The following MACIR variants were observed in gnomAD, a reference collection of about 807,000 sequenced individuals.
The protein encoded by MACIR is UNC119-binding protein C5orf30.
Under a neutral mutation model 14.3 loss-of-function variants are expected in MACIR, and 4 were observed. The ratio of observed to expected loss-of-function variants is 0.28; its 90% CI spans 0.14 to 0.64. MACIR has a LOEUF of 0.64. MACIR is among the 30% of genes least tolerant of loss of function. MACIR has a pLI of 0.83. For synonymous variants in MACIR, 101 were observed against 102.4 expected (o/e 0.99, Z 0.08); for missense variants, 228 against 257.6 (o/e 0.89, Z 0.79).
chr5:103,265,978 A>G lies in MACIR; in HGVS notation c.-43A>G, dbSNP rs1319579791. The G allele has an allele frequency of 1.3e-5, 2 of 152,114 alleles. No individual in the cohort carries two copies. Among genetic ancestry groups the G allele is most frequent in the African/African-American group, 4.8e-5 (2 of 41,452 alleles). The allele number at this position is 152,114 out of a possible 1,614,324, so 9.4% of individuals were successfully genotyped here. On this transcript the variant is annotated 5_prime_UTR_variant, in exon 2 of 3. Coordinates refer to ENST00000319933, the MANE Select transcript of MACIR (RefSeq NM_033211.4). ...GACTCATTGGAAATTGTACAGTGAC[A>G]TCTTCTGGGATTTAGTCTGGTAAGT...
intron 2 of MACIR, among the ~76,000 whole-genome samples, chr5:103,271,809 C>T (rs1258843293): frequency 2.6e-5 from 4 of 152,126 alleles, no homozygotes; most frequent in African/African-American, 9.7e-5. Flanking sequence ...CTTCTTCTCT[C>T]CACATTTTGC....
intron 1 of MACIR, among the ~76,000 whole-genome samples, chr5:103,263,573 T>G (rs1050462623): frequency 1.1e-4 from 16 of 152,178 alleles, no homozygotes; most frequent in Admixed American, 7.9e-4. Flanking sequence ...TCTTTGAAAG[T>G]GTAAATATTT....
At chr5:103,264,377 TAAGG>T (rs1406886677) in intron 1 of MACIR, among the ~76,000 whole-genome samples, 4 of 152,150 alleles carry the variant, frequency 2.6e-5, no homozygotes, top group African/African-American at 7.2e-5. Context: ...ACTTTTGACA[TAAGG>T]AAGATGCTAA....
intron 2 of MACIR, among the ~76,000 whole-genome samples, chr5:103,270,071 A>C (rs2149929437): frequency 6.6e-6 from 1 of 152,320 alleles, no homozygotes; most frequent in East Asian, 1.9e-4. Flanking sequence ...AAAAGGAAGT[A>C]CATCATCTCC....
rs1005923909 is a variant in MACIR at position 103,278,403 on chromosome 5, A to C, written c.*1863A>C. 1 of 167,104 alleles carries C rather than the reference A, an allele frequency of 6.0e-6. No individual in the cohort carries two copies. The highest frequency in any genetic ancestry group is 1.5e-5 in the Non-Finnish European group (1 of 68,110). 10.4% of individuals were successfully genotyped at this position (167,104 alleles called of 1,614,324 possible). ...TTGTGTGGTGCTTTAAACTAGGTCC[A>C]CTATCAACAGGCTACTTACTGTTCA... is the stretch of plus-strand genomic sequence containing the variant. On this transcript the variant is annotated 3_prime_UTR_variant, in exon 3 of 3. Transcript: ENST00000319933.
chr5:103,276,123 G>A lies in MACIR; in HGVS notation c.204G>A (p.Glu68=), dbSNP rs150195375. 824 of 1,614,010 alleles carry A rather than the reference G, an allele frequency of 5.1e-4. 1 individual carries two copies. The highest frequency in any genetic ancestry group is 6.8e-4 in the Non-Finnish European group (804 of 1,179,998). The change falls in exon 3 of 3, where the codon GAG becomes GAA. Residue 68 remains glutamate (E), a synonymous_variant. Coordinates refer to ENST00000319933, the MANE Select transcript of MACIR (RefSeq NM_033211.4). The part of the protein sequence containing the change: ...SNYLVGFTTG[E]ELLKLAQKCT... Reference sequence around the variant, plus strand: ...ATTTGGTTGGCTTCACGACTGGCGAGGAACTCCTGAAGTTAGCTCAGAAGT... The same window carrying A: ...ATTTGGTTGGCTTCACGACTGGCGAAGAACTCCTGAAGTTAGCTCAGAAGT...
intron 1 of MACIR, among the ~76,000 whole-genome samples, chr5:103,260,738 A>G (rs1166193808): frequency 3.9e-5 from 6 of 152,180 alleles, no homozygotes; most frequent in Admixed American, 3.9e-4. Context: ...AGTACTTAAT[A>G]TGGTTAGAGT....
chr5:103,260,748 T>G (rs921326345), intron 1 of MACIR, among the ~76,000 whole-genome samples: 2 of 152,146 alleles, frequency 1.3e-5, no homozygotes, highest in Admixed American at 6.5e-5. Context: ...ATGGTTAGAG[T>G]AATAAAGCTT....
intron 2 of MACIR, among the ~76,000 whole-genome samples, chr5:103,272,791 C>A (rs1163527847): frequency 6.6e-6 from 1 of 152,112 alleles, no homozygotes; most frequent in Non-Finnish European, 1.5e-5. Context: ...CATGTTCCTA[C>A]GTGAATATCG....
rs542349377 is a variant in MACIR, at chr5:103,276,893, T to G, written c.*353T>G. The G allele has an allele frequency of 8.6e-5, 16 of 185,890 alleles. No individual in the cohort carries two copies. The East Asian group carries it at 2.4e-3, about 28-fold the overall frequency. 11.5% of individuals were successfully genotyped at this position (185,890 alleles called of 1,614,324 possible). Reference sequence around the variant, plus strand: ...TTGGTTGTTGCTGACTTGATATGATTCATTAGAAATTTATATCTTCAGTAC... The same window carrying G: ...TTGGTTGTTGCTGACTTGATATGATGCATTAGAAATTTATATCTTCAGTAC... On this transcript the variant is annotated 3_prime_UTR_variant, in exon 3 of 3. Coordinates refer to ENST00000319933, the MANE Select transcript of MACIR (RefSeq NM_033211.4).
rs142090708 is a variant in MACIR at position 103,274,700 on chromosome 5, A to G, written c.-23-1197A>G. On this transcript the variant is annotated intron_variant, in intron 2 of 2. Coordinates refer to ENST00000319933, the MANE Select transcript of MACIR (RefSeq NM_033211.4). ...CTAATTGCTTGGATTTTAAATGAATACCCAAACTTTAAGAAATACTTCAAT... is the reference window on the plus strand; with the variant it reads ...CTAATTGCTTGGATTTTAAATGAATGCCCAAACTTTAAGAAATACTTCAAT... Among the ~76,000 whole-genome samples the G allele has an allele frequency of 7.2e-4, 110 of 151,992 alleles. 1 individual carries two copies. The highest frequency in any genetic ancestry group is 6.8e-3 in the Middle Eastern group (2 of 294).
chr5:103,276,356 A>G lies in MACIR; in HGVS notation c.437A>G (p.Tyr146Cys), dbSNP rs183512391. 1.2e-6 allele frequency: 2 copies of G among 1,613,512 alleles called. No homozygotes were observed. The highest frequency in any genetic ancestry group is 1.7e-6 in the Non-Finnish European group (2 of 1,179,914). Reference protein sequence around the residue: ...KCTKSLPYEPYKALHGPLPLC... With the variant: ...KCTKSLPYEPCKALHGPLPLC... The stretch of plus-strand genomic sequence containing the variant: ...ACTAAATCTTTACCTTATGAACCTT[A>G]CAAGGCCCTCCATGGGCCTCTGCCT... Residue 146 changes from tyrosine (Y) to cysteine (C), a missense_variant, in exon 3 of 3, where the codon TAC becomes TGC. Transcript: ENST00000319933.
Position 103,278,462 on chromosome 5 carries a change from A to ATTT in MACIR, c.*1925_*1927dup, listed in dbSNP as rs1805412391. On this transcript the variant is annotated 3_prime_UTR_variant, in exon 3 of 3. Transcript: ENST00000319933. The stretch of plus-strand genomic sequence containing the variant: ...ACTGAAGCACTTATTTTAAGGCCCT[A>ATTT]TTTTTCTTAAACAAAACAGTGACAA... 6.0e-6 allele frequency: 1 copy of ATTT among 167,142 alleles called. No homozygotes were observed. The highest frequency in any genetic ancestry group is 2.1e-4 in the South Asian group (1 of 4,824). 10.4% of individuals were successfully genotyped at this position (167,142 alleles called of 1,614,324 possible). A position where few individuals can be genotyped will look rare whatever the true frequency, so the allele number is the denominator to read the frequency against.
chr5:103,269,746 C>T (rs576073175), intron 2 of MACIR, among the ~76,000 whole-genome samples: 27 of 152,136 alleles, frequency 1.8e-4, no homozygotes, highest in Admixed American at 2.6e-4. Flanking sequence ...TCTTGGTGCA[C>T]GGGGTTCCAC....
chr5:103,266,715 T>G (rs1192267077), intron 2 of MACIR, among the ~76,000 whole-genome samples: 2 of 152,142 alleles, frequency 1.3e-5, no homozygotes, highest in East Asian at 3.9e-4. Flanking sequence ...ACTTGGCCAT[T>G]ATCTTTGTGC....
chr5:103,264,333 A>G (rs1490686889), intron 1 of MACIR, among the ~76,000 whole-genome samples: 1 of 152,088 alleles, frequency 6.6e-6, no homozygotes, highest in Non-Finnish European at 1.5e-5. Context: ...TTCTTCATGG[A>G]GTAGTTAAGA....
intron 2 of MACIR, among the ~76,000 whole-genome samples, chr5:103,275,438 CACTT>C (rs1484307093): frequency 2.6e-5 from 4 of 152,172 alleles, no homozygotes; most frequent in African/African-American, 9.7e-5. Flanking sequence ...AAGAGCTAAG[CACTT>C]ACTTTAAATT....
intron 2 of MACIR, among the ~76,000 whole-genome samples, chr5:103,269,549 A>G (rs374845942): frequency 6.6e-6 from 1 of 152,312 alleles, no homozygotes; most frequent in Non-Finnish European, 1.5e-5. Flanking sequence ...TGCAATTTCA[A>G]AAAGAATTCT....
intron 2 of MACIR, among the ~76,000 whole-genome samples, 185 bp from the exon 3 acceptor site, chr5:103,275,712 G>T (rs1463314822): frequency 6.6e-6 from 1 of 152,142 alleles, no homozygotes; most frequent in Non-Finnish European, 1.5e-5. Context: ...GTTCTTAAAG[G>T]CAGAGAGGTA....
Sources: allele counts gnomAD v4.1 joint callset (sites outside exome capture counted in the v4.1 genomes callset), GRCh38; gene constraint gnomAD v4.1.1; transcripts MANE v1.5; gene names NCBI Gene and HGNC (gene_info 2026-07-23, HGNC 2026-07-21).